Variants in ANXA2 observed in about 807,000 individuals in gnomAD.
ANXA2 encodes annexin II.
ANXA2 carries 28 observed loss-of-function variants against 47.3 expected under a neutral mutation model. That is an observed-to-expected ratio of 0.59 (90% CI 0.44 to 0.81). The LOEUF is 0.81. ANXA2 is among the 40% of genes least tolerant of loss of function. ANXA2 has a pLI of 0.00. For missense variants in ANXA2, 384 were observed against 414.3 expected (o/e 0.93, Z 0.64); for synonymous variants, 172 against 155.5 (o/e 1.11, Z -0.79).
rs559094074 is a variant in ANXA2, at chr15:60,387,466, A to T, written c.-11-1380T>A. The stretch of plus-strand genomic sequence containing the variant: ...ACATGGAATATTATTCAGCACTGAA[A>T]AGAAATGAGCCATCAAGCCATGAAA... On this transcript the variant is annotated intron_variant, in intron 1 of 12. Coordinates refer to ENST00000451270, the MANE Select transcript of ANXA2 (RefSeq NM_004039.3). Among the ~76,000 whole-genome samples the T allele has an allele frequency of 1.4e-4, 21 of 152,358 alleles. No individual in the cohort carries two copies. The South Asian group carries it at 4.1e-3, about 30-fold the overall frequency.
At position 60,347,562 on chromosome 15, in the gene ANXA2, G is replaced by T; in HGVS notation, c.*68C>A. The T allele has an allele frequency of 6.6e-7, 1 of 1,523,542 alleles. No homozygotes were observed. The highest frequency in any genetic ancestry group is 9.1e-7 in the Non-Finnish European group (1 of 1,098,738). The allele number at this position is 1,523,542 out of a possible 1,614,324, so 94.4% of individuals were successfully genotyped here. A position where few individuals can be genotyped will look rare whatever the true frequency, so the allele number is the denominator to read the frequency against. On this transcript the variant is annotated 3_prime_UTR_variant, in exon 13 of 13. Coordinates refer to ENST00000451270, the MANE Select transcript of ANXA2 (RefSeq NM_004039.3). ...CCACGGGGACTGTTATTCGCAAGCTGGTTTTCTAGACCTGTTAGCTGGAAG... is the reference window on the plus strand; with the variant it reads ...CCACGGGGACTGTTATTCGCAAGCTTGTTTTCTAGACCTGTTAGCTGGAAG...
chr15:60,357,063 A>G, intron 6 of ANXA2, 83 bp downstream of exon 6: 2 of 1,282,108 alleles, frequency 1.6e-6, no homozygotes, highest in South Asian at 2.4e-5. Context: ...CAGGCATCTT[A>G]GCCCGAACCC....
rs556377075 is a variant in ANXA2 at position 60,388,755 on chromosome 15, T to C, written c.-11-2669A>G. ...TAGACCTTTTTTTTTTTTTTTTTTG[T>C]CTGAGACAGGGTTTCTCTCTCTGTT... is the stretch of plus-strand genomic sequence containing the variant. On this transcript the variant is annotated intron_variant, in intron 1 of 12. Transcript: ENST00000451270. Among the ~76,000 whole-genome samples the C allele has an allele frequency of 1.0e-3, 150 of 146,674 alleles. 2 individuals carry two copies. Among genetic ancestry groups the C allele is most frequent in the African/African-American group, 3.6e-3 (141 of 39,708 alleles).
At chr15:60,372,585 C>T (rs1207010590) in intron 3 of ANXA2, among the ~76,000 whole-genome samples, 1 of 151,904 alleles carries the variant, frequency 6.6e-6, no homozygotes, top group Non-Finnish European at 1.5e-5. Context: ...TGTGGGGTTA[C>T]ATGTTAACTT....
At chr15:60,356,067 AT>A (rs1406107354) in intron 6 of ANXA2, 69 bp from the exon 7 acceptor site, 9 of 1,193,632 alleles carry the variant, frequency 7.5e-6, no homozygotes, top group Non-Finnish European at 1.0e-5. Flanking sequence ...CAATCTCCCC[AT>A]TTCCCACTAA....
At chr15:60,389,579 C>A (rs547694981) in intron 1 of ANXA2, among the ~76,000 whole-genome samples, 8 of 152,356 alleles carry the variant, frequency 5.3e-5, no homozygotes, top group Non-Finnish European at 8.8e-5. Flanking sequence ...CCCCACAAAT[C>A]TTCCTTTCGG....
At chr15:60,394,300 AAC>A (rs1235583006) in intron 1 of ANXA2, among the ~76,000 whole-genome samples, 1 of 152,176 alleles carries the variant, frequency 6.6e-6, no homozygotes, top group African/African-American at 2.4e-5. Flanking sequence ...AGGGCTCCAT[AAC>A]ACAGTCACTC....
chr15:60,349,487 C>T (rs890444271), intron 11 of ANXA2, among the ~76,000 whole-genome samples: 11 of 152,200 alleles, frequency 7.2e-5, no homozygotes, highest in African/African-American at 2.2e-4. Context: ...TGGGTCCCAT[C>T]CCTAAAATAT....
chr15:60,352,363 T>A lies in ANXA2; in HGVS notation c.682+20A>T. The A allele has an allele frequency of 6.3e-7, 1 of 1,583,892 alleles. No homozygotes were observed. The highest frequency in any genetic ancestry group is 8.7e-7 in the Non-Finnish European group (1 of 1,155,996). On this transcript the variant is annotated intron_variant, in intron 9 of 12. Transcript: ENST00000451270. The surrounding 1 kb of genome is among the most constrained non-coding windows in gnomAD (Gnocchi z 4.2). ...AGCCAGGGCCCCAAGGCACTGAGAC[T>A]CCCTCAGCACAGTGCCCACCTTTCT... is the stretch of plus-strand genomic sequence containing the variant.
chr15:60,388,268 C>G (rs2062960019), intron 1 of ANXA2, among the ~76,000 whole-genome samples: 1 of 152,004 alleles, frequency 6.6e-6, no homozygotes, highest in African/African-American at 2.4e-5. Flanking sequence ...CCTCATGTGG[C>G]TACAAAGCAT....
chr15:60,357,222 G>A lies in ANXA2; in HGVS notation c.372C>T (p.Asp124=), dbSNP rs748528078. 3.3e-5 allele frequency: 53 copies of A among 1,613,982 alleles called. No homozygotes were observed. The highest frequency in any genetic ancestry group is 4.3e-5 in the Non-Finnish European group (51 of 1,180,006). ...LKASMKGLGT[D]EDSLIEIICS... Reference sequence around the variant, plus strand: ...AGATGATCTCAATGAGAGAGTCCTCGTCGGTTCCCAGCCCCTGTGAACCAG... The same window carrying A: ...AGATGATCTCAATGAGAGAGTCCTCATCGGTTCCCAGCCCCTGTGAACCAG... The change falls in exon 6 of 13, where the codon GAC becomes GAT. Residue 124 remains aspartate (D), a synonymous_variant. Coordinates refer to ENST00000451270, the MANE Select transcript of ANXA2 (RefSeq NM_004039.3).
At chr15:60,390,438 C>A in intron 1 of ANXA2, 2 of 511,778 alleles carry the variant, frequency 3.9e-6, no homozygotes, top group South Asian at 2.9e-5. Flanking sequence ...CCCCACAAAA[C>A]GGCACAATAC....
intron 5 of ANXA2, 69 bp downstream of exon 5, chr15:60,360,872 C>T (rs1190240248): frequency 4.0e-6 from 4 of 1,001,352 alleles, no homozygotes; most frequent in Admixed American, 2.0e-5. Flanking sequence ...CACCAAATTA[C>T]ACTCAGAAAG....
intron 1 of ANXA2, chr15:60,387,115 A>G (rs1212704530): frequency 6.6e-6 from 1 of 152,230 alleles, no homozygotes; most frequent in African/African-American, 2.4e-5. Flanking sequence ...ATATTTGCTA[A>G]CTTATAGGAA....
At chr15:60,394,628 G>A (rs1457383259) in intron 1 of ANXA2, 1 of 152,168 alleles carries the variant, frequency 6.6e-6, no homozygotes, top group African/African-American at 2.4e-5. Flanking sequence ...GAACCTGGGA[G>A]GCGGAGGCTA....
rs779260058 is a variant in ANXA2 at position 60,382,385 on chromosome 15, A to C, written c.105T>G (p.Ala35=). ...TTTCAATGTTCAAAGCATCCCGCTC[A>C]GCATCAAAGTTAGTATAGGCTTTGA... ...GSVKAYTNFD[A]ERDALNIETA... Residue 35 remains alanine (A), a synonymous_variant, in exon 3 of 13, where the codon GCT becomes GCG. Transcript: ENST00000451270. The C allele has an allele frequency of 3.7e-6, 6 of 1,614,100 alleles. No individual in the cohort carries two copies. Among genetic ancestry groups the C allele is most frequent in the African/African-American group, 1.3e-5 (1 of 75,052 alleles).
At chr15:60,378,783 T>A (rs1346713261) in intron 3 of ANXA2, among the ~76,000 whole-genome samples, 5 of 152,024 alleles carry the variant, frequency 3.3e-5, no homozygotes, top group African/African-American at 1.2e-4. Context: ...CTGGCCAAGA[T>A]GGCAAAACCC....
rs1313716298 is a variant in ANXA2 at position 60,354,634 on chromosome 15, A to AG, written c.529-422_529-421insC. Among the ~76,000 whole-genome samples the AG allele has an allele frequency of 3.0e-3, 457 of 150,792 alleles. 3 individuals carry two copies. Among genetic ancestry groups the AG allele is most frequent in the African/African-American group, 0.01 (424 of 41,010 alleles). On this transcript the variant is annotated intron_variant, in intron 7 of 12. Transcript: ENST00000451270. Reference sequence around the variant, plus strand: ...GACTCTGTCTCAAAAAAAAAAAAAAAAAAGAAAGAAAGAAAAGAAAAAGAA... The same window carrying AG: ...GACTCTGTCTCAAAAAAAAAAAAAAAGAAAGAAAGAAAGAAAAGAAAAAGAA...
chr15:60,390,383 C>A, intron 1 of ANXA2: 2 of 705,454 alleles, frequency 2.8e-6, no homozygotes, highest in South Asian at 3.0e-5. Flanking sequence ...GGTGAACATT[C>A]CTAAAACCCA....
Sources: gnomAD v4.1 joint callset for allele counts (sites outside exome capture counted in the v4.1 genomes callset) on GRCh38, gnomAD v4.1.1 for gene constraint, Gnocchi (gnomAD v3.1) non-coding constraint, MANE v1.5 for transcripts, NCBI Gene and HGNC (gene_info 2026-07-23, HGNC 2026-07-21) for gene names.